CADM2: variants seen among roughly 807,000 people sequenced by gnomAD.
CADM2 encodes cell adhesion molecule 2.
In CADM2, 12 loss-of-function variants were observed where a neutral mutation model predicts 49.8. The ratio of observed to expected loss-of-function variants is 0.24; its 90% CI spans 0.15 to 0.39. CADM2 has a LOEUF of 0.39. CADM2 is among the 10% of genes least tolerant of loss of function. The pLI, the probability that CADM2 is intolerant of heterozygous loss-of-function variation, is 1.00. For missense variants in CADM2, 378 were observed against 492.3 expected, an observed-to-expected ratio of 0.77 and a Z score of 2.20; for synonymous variants, 214 against 175.4, an observed-to-expected ratio of 1.22 and a Z score of -1.74.
At chr3:85,427,271 A>G (rs1336616695) in intron 1 of CADM2, among the ~76,000 whole-genome samples, 4 of 150,776 alleles carry the variant, frequency 2.7e-5, no homozygotes, top group Non-Finnish European at 5.9e-5. Context: ...ACATCTGACT[A>G]AATGGCTGGT....
chr3:85,173,804 T>C (rs2107689636), intron 1 of CADM2, among the ~76,000 whole-genome samples: 1 of 152,346 alleles, frequency 6.6e-6, no homozygotes, highest in South Asian at 2.1e-4. Context: ...AATTCTTCTG[T>C]ATGTAGTATC....
intron 1 of CADM2, among the ~76,000 whole-genome samples, chr3:85,086,813 T>G: frequency 6.6e-6 from 1 of 152,138 alleles, no homozygotes; most frequent in Admixed American, 6.6e-5. Context: ...CCATCCAGAA[T>G]AAACTTTGTA....
At chr3:85,109,141 A>T (rs1170176613) in intron 1 of CADM2, among the ~76,000 whole-genome samples, 1 of 152,016 alleles carries the variant, frequency 6.6e-6, no homozygotes, top group African/African-American at 2.4e-5. Context: ...AAGTGACTAT[A>T]ATATAGTTAC....
At chr3:85,683,049 T>C (rs1441821845) in intron 1 of CADM2, among the ~76,000 whole-genome samples, 1 of 152,120 alleles carries the variant, frequency 6.6e-6, no homozygotes, top group Non-Finnish European at 1.5e-5. Context: ...AGCTTCAGGG[T>C]TTATTATTCT....
At chr3:85,472,994 T>A (rs148829635) in intron 1 of CADM2, among the ~76,000 whole-genome samples, 18 of 152,224 alleles carry the variant, frequency 1.2e-4, no homozygotes, top group Non-Finnish European at 1.9e-4. Context: ...ATAACAATTA[T>A]GTCAATTTTC....
At chr3:85,958,377 C>T (rs1489909831) in intron 7 of CADM2, among the ~76,000 whole-genome samples, 1 of 151,846 alleles carries the variant, frequency 6.6e-6, no homozygotes, top group East Asian at 2.0e-4. Context: ...ACCATTGTGG[C>T]AGGCACTGTG....
chr3:85,605,224 G>A (rs1336249772), intron 1 of CADM2, among the ~76,000 whole-genome samples: 2 of 151,962 alleles, frequency 1.3e-5, no homozygotes, highest in African/African-American at 2.4e-5. Flanking sequence ...AAACTATAAA[G>A]TGCATAACAA....
At chr3:85,510,768 T>A (rs1167844022) in intron 1 of CADM2, among the ~76,000 whole-genome samples, 1 of 152,012 alleles carries the variant, frequency 6.6e-6, no homozygotes, top group Non-Finnish European at 1.5e-5. Flanking sequence ...CATCTATCTA[T>A]TTATTTATTT....
chr3:85,649,060 A>C (rs1577013685), intron 1 of CADM2, among the ~76,000 whole-genome samples: 1 of 152,108 alleles, frequency 6.6e-6, no homozygotes, highest in Non-Finnish European at 1.5e-5. Flanking sequence ...TTTATGATAT[A>C]ACATCCTTTT....
intron 1 of CADM2, among the ~76,000 whole-genome samples, chr3:85,101,397 ATATAT>A (rs1419793606): frequency 2.0e-5 from 3 of 152,162 alleles, no homozygotes; most frequent in African/African-American, 7.2e-5. Flanking sequence ...CCTTGTTACG[ATATAT>A]TATAACGTAT....
intron 7 of CADM2, among the ~76,000 whole-genome samples, chr3:85,945,131 C>A (rs548184624): frequency 6.6e-6 from 1 of 152,218 alleles, no homozygotes; most frequent in East Asian, 1.9e-4. Flanking sequence ...AAACTACCAT[C>A]AGAGAATTCT....
intron 8 of CADM2, among the ~76,000 whole-genome samples, chr3:86,042,332 C>A (rs1033756373): frequency 4.0e-5 from 6 of 151,756 alleles, no homozygotes; most frequent in African/African-American, 1.5e-4. Flanking sequence ...AGACCACTAG[C>A]AAGACTAATA....
chr3:84,965,663 T>C (rs1228078098), intron 1 of CADM2, among the ~76,000 whole-genome samples: 2 of 152,216 alleles, frequency 1.3e-5, no homozygotes, highest in Non-Finnish European at 2.9e-5. Flanking sequence ...TGCTATTTTT[T>C]ACGTGTGTTG....
intron 1 of CADM2, among the ~76,000 whole-genome samples, chr3:85,483,326 G>T (rs992679722): frequency 1.3e-5 from 2 of 151,272 alleles, no homozygotes; most frequent in African/African-American, 4.8e-5. Context: ...AATTGTGTAT[G>T]ATGATTTATA....
intron 1 of CADM2, among the ~76,000 whole-genome samples, chr3:85,424,615 C>T (rs983697899): frequency 1.5e-4 from 23 of 151,948 alleles, no homozygotes; most frequent in African/African-American, 4.8e-4. Flanking sequence ...GTTGTTAGAG[C>T]GTCCTGTGAA....
At chr3:85,256,129 A>G (rs1434134321) in intron 1 of CADM2, among the ~76,000 whole-genome samples, 1 of 151,520 alleles carries the variant, frequency 6.6e-6, no homozygotes, top group Non-Finnish European at 1.5e-5. Flanking sequence ...ACGCAACAGC[A>G]CTCCTCTGGG....
chr3:85,939,468 AACACAC>A lies in CADM2; in HGVS notation c.791+3641_791+3646del, dbSNP rs373804679. On this transcript the variant is annotated intron_variant, in intron 7 of 9. Transcript: ENST00000383699. ...ATTCTCCATTTTAAAAGTAAACGAA[AACACAC>A]ACACACACACACACACACACACACA... is the stretch of plus-strand genomic sequence containing the variant. Among the ~76,000 whole-genome samples, 137 of 137,080 alleles carry A rather than the reference AACACAC, an allele frequency of 1.0e-3. 2 individuals carry two copies. Among genetic ancestry groups the A allele is most frequent in the African/African-American group, 3.1e-3 (113 of 36,594 alleles). 89.9% of individuals were successfully genotyped at this position (137,080 alleles called of 152,430 possible).
At chr3:85,356,346 A>G (rs1227292167) in intron 1 of CADM2, among the ~76,000 whole-genome samples, 2 of 152,084 alleles carry the variant, frequency 1.3e-5, no homozygotes, top group African/African-American at 4.8e-5. Context: ...CAGAGAAGGA[A>G]GAGCTGTGGT....
intron 1 of CADM2, among the ~76,000 whole-genome samples, chr3:85,359,637 CATATAT>C (rs1191509964): frequency 2.9e-5 from 1 of 34,268 alleles, no homozygotes; most frequent in Non-Finnish European, 5.5e-5. Context: ...CCAATGTCAG[CATATAT>C]ATATATATAT....
Sources: gnomAD v4.1 joint callset for allele counts (sites outside exome capture counted in the v4.1 genomes callset) on GRCh38, gnomAD v4.1.1 for gene constraint, MANE v1.5 for transcripts, NCBI Gene and HGNC (gene_info 2026-07-23, HGNC 2026-07-21) for gene names.